QSER1: variants seen among roughly 807,000 people sequenced by gnomAD.
The protein encoded by QSER1 is glutamine and serine-rich protein 1.
Under a neutral mutation model 158.5 loss-of-function variants are expected in QSER1, and 49 were observed. The observed-to-expected ratio is 0.31, with a 90% CI of 0.25 to 0.39. QSER1 has a LOEUF of 0.39. Among genes scored for constraint, QSER1 ranks in the 10% least tolerant of loss-of-function variants. The pLI is 1.00. For synonymous variants in QSER1, 650 were observed against 715.5 expected (o/e 0.91, Z 1.46); for missense variants, 1,754 against 2,010.3 (o/e 0.87, Z 2.44).
rs1310105862 is a variant in QSER1 at position 32,956,068 on chromosome 11, A to T, written c.4698A>T (p.Glu1566Asp). Residue 1566 changes from glutamate to aspartate, a missense_variant, in exon 7 of 13, where the codon GAA becomes GAT. Coordinates refer to ENST00000650167, the MANE Select transcript of QSER1 (RefSeq NM_001076786.3). Reference protein sequence around the residue: ...VKFIENANKKEYVRVCSKKPR... With the variant: ...VKFIENANKKDYVRVCSKKPR... The stretch of plus-strand genomic sequence containing the variant: ...TCATTGAAAATGCAAACAAGAAGGA[A>T]TATGTCAGAGTGTGTTCTAAAAAGC... The T allele has an allele frequency of 6.2e-7, 1 of 1,611,906 alleles. No homozygotes were observed. Among genetic ancestry groups the T allele is most frequent in the Non-Finnish European group, 8.5e-7 (1 of 1,178,436 alleles).
chr11:32,945,374 C>T (rs1852312443), intron 4 of QSER1, among the ~76,000 whole-genome samples: 1 of 151,634 alleles, frequency 6.6e-6, no homozygotes, highest in Admixed American at 6.6e-5. Context: ...GCGGCTGGTA[C>T]CGGTTGTTCC....
chr11:32,964,531 CT>C (rs1194336305), intron 8 of QSER1, among the ~76,000 whole-genome samples: 2 of 151,778 alleles, frequency 1.3e-5, no homozygotes, highest in Admixed American at 6.6e-5. Flanking sequence ...GGGGTCCCCC[CT>C]GGGGTACAGT....
Position 32,980,252 on chromosome 11 carries a change from A to G in QSER1, c.*3778A>G, listed in dbSNP as rs952835175. 3 of 152,626 alleles carry G rather than the reference A, an allele frequency of 2.0e-5. No homozygotes were observed. Among genetic ancestry groups the G allele is most frequent in the African/African-American group, 7.2e-5 (3 of 41,454 alleles). 9.5% of individuals were successfully genotyped at this position (152,626 alleles called of 1,614,324 possible). A position where few individuals can be genotyped will look rare whatever the true frequency, so the allele number is the denominator to read the frequency against. On this transcript the variant is annotated 3_prime_UTR_variant, in exon 13 of 13. Transcript: ENST00000650167. ...AACTCAGATCATTAAAATGAAAACA[A>G]TTTTTTTAAACAAGAAAATCAGAAT...
At chr11:32,953,836 A>G in intron 4 of QSER1, 21 bp from the exon 5 acceptor site, 1 of 1,585,126 alleles carries the variant, frequency 6.3e-7, no homozygotes, top group Non-Finnish European at 8.6e-7. Context: ...ACTGATTTGC[A>G]TTTGCTTGGT....
Position 32,979,942 on chromosome 11 carries a change from T to C in QSER1, c.*3468T>C, listed in dbSNP as rs895181068. ...ATCTATTTCTCCAAGATGCTTTTCA[T>C]ATAGAGTGAAATATCCCAGGATAAC... is the stretch of plus-strand genomic sequence containing the variant. On this transcript the variant is annotated 3_prime_UTR_variant, in exon 13 of 13. Transcript: ENST00000650167. The C allele has an allele frequency of 6.6e-6, 1 of 152,416 alleles. No homozygotes were observed. The highest frequency in any genetic ancestry group is 2.4e-5 in the African/African-American group (1 of 41,596). The allele number at this position is 152,416 out of a possible 1,614,324, so 9.4% of individuals were successfully genotyped here.
chr11:32,944,646 T>C (rs1386966129), intron 4 of QSER1, among the ~76,000 whole-genome samples: 23 of 142,616 alleles, frequency 1.6e-4, no homozygotes, highest in Non-Finnish European at 6.1e-5. Context: ...GAGGAGAGCT[T>C]TACTTCCAAG....
At chr11:32,953,766 A>C in intron 4 of QSER1, 91 bp from the exon 5 acceptor site, 1 of 1,421,124 alleles carries the variant, frequency 7.0e-7, no homozygotes, top group Non-Finnish European at 9.4e-7. Context: ...AAAATAATCA[A>C]GTCTTTCTTT....
chr11:32,951,418 TTCACTTC>T (rs1852419736), intron 4 of QSER1, among the ~76,000 whole-genome samples: 1 of 152,210 alleles, frequency 6.6e-6, no homozygotes, highest in Admixed American at 6.5e-5. Context: ...CTGGGTCCCT[TTCACTTC>T]CATATGAATT....
intron 7 of QSER1, 130 bp downstream of exon 7, chr11:32,956,251 T>C: frequency 1.4e-6 from 1 of 739,424 alleles, no homozygotes. Flanking sequence ...TTTCAGTGCC[T>C]GATGAAATAA....
intron 1 of QSER1, among the ~76,000 whole-genome samples, chr11:32,924,939 C>T (rs565269651): frequency 2.6e-5 from 4 of 152,120 alleles, no homozygotes; most frequent in South Asian, 2.1e-4. Context: ...TTTCCAAGTA[C>T]GCAATGTTTA....
In QSER1 at chr11:32,932,656, A is replaced by G. The variant is rs747084576; in HGVS notation, c.1398A>G (p.Ser466=). 1 of 1,614,176 alleles carries G rather than the reference A, an allele frequency of 6.2e-7. No individual in the cohort carries two copies. The highest frequency in any genetic ancestry group is 8.5e-7 in the Non-Finnish European group (1 of 1,180,026). The part of the protein sequence containing the change: ...YSTAQLPSLL[S]VSQSQNYGLV... ...CAGCGCAGCTACCAAGCCTTTTATC[A>G]GTTAGTCAGTCCCAAAATTACGGTT... The change falls in exon 4 of 13, where the codon TCA becomes TCG. Residue 466 remains serine, a synonymous_variant. Coordinates refer to ENST00000650167, the MANE Select transcript of QSER1 (RefSeq NM_001076786.3).
chr11:32,896,644 C>T (rs1851559470), intron 1 of QSER1, among the ~76,000 whole-genome samples: 1 of 152,214 alleles, frequency 6.6e-6, no homozygotes, highest in Non-Finnish European at 1.5e-5. Flanking sequence ...CCATTTTGGC[C>T]TCCCAAAGTG....
Position 32,957,912 on chromosome 11 carries a change from C to G in QSER1, c.4795C>G (p.Pro1599Ala), listed in dbSNP as rs1041770227. The G allele has an allele frequency of 1.9e-6, 3 of 1,614,056 alleles. No individual in the cohort carries two copies. In the Admixed American group the frequency reaches 5.0e-5, roughly 27 times the overall value. Residue 1599 changes from proline to alanine, a missense_variant, in exon 8 of 13, where the codon CCT becomes GCT. Pro to Ala is a conservative substitution (Grantham distance 27). Transcript: ENST00000650167. ...KPSSSSKTSD[P>A]LASKTTTTKA... ...AAGTAGTAGCAGTAAAACTTCTGAT[C>G]CTCTAGCATCAAAAACTACAACTAC...
In QSER1 at chr11:32,932,008, T is replaced by C; in HGVS notation, c.750T>C (p.Ser250=). 1 of 1,614,248 alleles carries C rather than the reference T, an allele frequency of 6.2e-7. No homozygotes were observed. Among genetic ancestry groups the C allele is most frequent in the Non-Finnish European group, 8.5e-7 (1 of 1,180,048 alleles). Residue 250 remains serine, a synonymous_variant, in exon 4 of 13, where the codon TCT becomes TCC. Transcript: ENST00000650167. ...TGGCATTTGAGCGCCTGGGCAGTTC[T>C]GTATTAAGTAACAGCATACCACCTC... The part of the protein sequence containing the change: ...TALAFERLGS[S]VLSNSIPPQS...
chr11:32,908,582 A>G (rs1174323864), intron 1 of QSER1, among the ~76,000 whole-genome samples: 1 of 152,182 alleles, frequency 6.6e-6, no homozygotes, highest in Non-Finnish European at 1.5e-5. Flanking sequence ...ACAAAATAGG[A>G]TTTTTGGTAA....
At chr11:32,917,835 A>AAAC (rs1029534134) in intron 1 of QSER1, among the ~76,000 whole-genome samples, 1 of 150,904 alleles carries the variant, frequency 6.6e-6, no homozygotes, top group African/African-American at 2.4e-5. Context: ...AAAAAAAAAA[A>AAAC]AAAAAAAAAC....
At position 32,954,175 on chromosome 11, in the gene QSER1, T is replaced by C. The variant is rs1449060417; in HGVS notation, c.4496T>C (p.Phe1499Ser). The C allele has an allele frequency of 6.2e-7, 1 of 1,611,396 alleles. No individual in the cohort carries two copies. The highest frequency in any genetic ancestry group is 1.1e-5 in the South Asian group (1 of 90,920). Reference protein sequence around the residue: ...FVVKIEDIETFKEALKTGKEP... With the variant: ...FVVKIEDIETSKEALKTGKEP... ...GTAAAGATAGAAGACATAGAGACTT[T>C]TAAGGTGATGTCAGTGTTCACCAGT... is the stretch of plus-strand genomic sequence containing the variant. Residue 1499 changes from phenylalanine to serine, a missense_variant, in exon 5 of 13, where the codon TTT becomes TCT. Physicochemically the swap from Phe to Ser is radical, Grantham distance 155. Transcript: ENST00000650167.
At chr11:32,909,820 G>C (rs1470273385) in intron 1 of QSER1, among the ~76,000 whole-genome samples, 1 of 151,986 alleles carries the variant, frequency 6.6e-6, no homozygotes, top group Admixed American at 6.6e-5. Flanking sequence ...CGTGTGTATG[G>C]GGGGGGTGTG....
chr11:32,919,241 A>T (rs1422086538), intron 1 of QSER1, among the ~76,000 whole-genome samples: 1 of 152,110 alleles, frequency 6.6e-6, no homozygotes, highest in Admixed American at 6.5e-5. Flanking sequence ...TCCTGGGCCG[A>T]AATGTGTAGC....
Sources: gnomAD v4.1 joint callset for allele counts (sites outside exome capture counted in the v4.1 genomes callset) on GRCh38, gnomAD v4.1.1 for gene constraint, MANE v1.5 for transcripts, NCBI Gene and HGNC (gene_info 2026-07-23, HGNC 2026-07-21) for gene names.